The following PRR16 variants were observed in gnomAD, a reference collection of about 807,000 sequenced individuals.
PRR16 encodes the protein protein Largen.
PRR16 carries 6 observed loss-of-function variants against 18.2 expected under a neutral mutation model. The observed-to-expected ratio is 0.33, with a 90% CI of 0.18 to 0.65. PRR16 has a LOEUF of 0.65. Among genes scored for constraint, PRR16 ranks in the 30% least tolerant of loss-of-function variants. The probability of loss-of-function intolerance (pLI) is 0.74; values close to 1 mark genes in which losing one functional copy is unlikely to be tolerated. For missense variants in PRR16, 412 were observed against 376.6 expected, an observed-to-expected ratio of 1.09 and a Z score of -0.78; for synonymous variants, 151 against 147.8, an observed-to-expected ratio of 1.02 and a Z score of -0.16.
chr5:120,593,382 C>A (rs75700019), intron 1 of PRR16, among the ~76,000 whole-genome samples: 3,992 of 151,978 alleles, frequency 0.026, 50 homozygotes, highest in South Asian at 0.035. Context: ...CCTCTATGTA[C>A]ACAAATTAGA....
At chr5:120,760,566 C>T in the PRR16 span, among the ~76,000 whole-genome samples, 1 of 152,052 alleles carries the variant, frequency 6.6e-6, no homozygotes, top group Non-Finnish European at 1.5e-5. Context: ...GAGCCTGGTG[C>T]TTCTTTCATA....
intron 1 of PRR16, among the ~76,000 whole-genome samples, chr5:120,646,310 T>A (rs1339858924): frequency 6.6e-6 from 1 of 151,870 alleles, no homozygotes; most frequent in East Asian, 1.9e-4. Context: ...TGGAATTTCA[T>A]AAGGACAGGA....
downstream of PRR16, among the ~76,000 whole-genome samples, chr5:120,690,757 A>G (rs1757199959): frequency 6.6e-6 from 1 of 152,178 alleles, no homozygotes; most frequent in Non-Finnish European, 1.5e-5. Context: ...TCGGGCACAC[A>G]GTAGTGTTGA....
At chr5:120,785,885 GCT>G in the PRR16 span, among the ~76,000 whole-genome samples, 1 of 151,152 alleles carries the variant, frequency 6.6e-6, no homozygotes, top group African/African-American at 2.4e-5. Flanking sequence ...TCTCTTAAAT[GCT>G]CTTTTTTCCT....
intron 1 of PRR16, among the ~76,000 whole-genome samples, chr5:120,584,650 C>T (rs1419619745): frequency 2.6e-5 from 4 of 152,012 alleles, no homozygotes. Context: ...TTATAATGGA[C>T]TAAGAGATAT....
chr5:120,624,949 G>T (rs554535890), intron 1 of PRR16, among the ~76,000 whole-genome samples: 3 of 152,214 alleles, frequency 2.0e-5, no homozygotes. Context: ...CTCTTCCCTT[G>T]TCTGCCACCA....
chr5:120,496,891 C>T (rs1750262962), intron 1 of PRR16, among the ~76,000 whole-genome samples: 1 of 151,992 alleles, frequency 6.6e-6, no homozygotes, highest in African/African-American at 2.4e-5. Context: ...CATATAGTGA[C>T]TTGTTGTATT....
intron 1 of PRR16, among the ~76,000 whole-genome samples, chr5:120,502,121 G>GGAA (rs1047363471): frequency 1.3e-5 from 2 of 151,270 alleles, no homozygotes. Context: ...TGGAAGCTTT[G>GGAA]GAAGCCCTTT....
At chr5:120,519,372 A>G (rs1396961389) in intron 1 of PRR16, among the ~76,000 whole-genome samples, 1 of 151,984 alleles carries the variant, frequency 6.6e-6, no homozygotes, top group Non-Finnish European at 1.5e-5. Flanking sequence ...TTACGTAATA[A>G]AAAGAAGAAT....
chr5:120,733,670 G>T, the PRR16 span, among the ~76,000 whole-genome samples: 2 of 152,180 alleles, frequency 1.3e-5, no homozygotes, highest in South Asian at 2.1e-4. Flanking sequence ...ACTGGGAAGC[G>T]GCTAGAGTTT....
intron 1 of PRR16, among the ~76,000 whole-genome samples, chr5:120,550,307 A>G (rs1475162103): frequency 6.6e-6 from 1 of 152,050 alleles, no homozygotes; most frequent in Admixed American, 6.6e-5. Context: ...AAAAAAATTG[A>G]GTAGAATAGA....
intron 1 of PRR16, 151 bp from the exon 2 acceptor site, chr5:120,685,803 T>A (rs1436855775): frequency 2.7e-6 from 2 of 743,238 alleles, no homozygotes; most frequent in Non-Finnish European, 4.3e-6. Flanking sequence ...TCTGTAAATT[T>A]ATTGACTGAA....
chr5:120,650,381 G>T (rs889486863), intron 1 of PRR16, among the ~76,000 whole-genome samples: 1 of 150,584 alleles, frequency 6.6e-6, no homozygotes, highest in Non-Finnish European at 1.5e-5. Flanking sequence ...ACAACATGCA[G>T]GTTTGTTACA....
chr5:120,791,403 A>C, the PRR16 span, among the ~76,000 whole-genome samples: 1 of 152,056 alleles, frequency 6.6e-6, no homozygotes, highest in African/African-American at 2.4e-5. Context: ...ATTGAGAATT[A>C]ATTTTAATAC....
chr5:120,561,058 C>A (rs1001872832), intron 1 of PRR16, among the ~76,000 whole-genome samples: 4 of 151,734 alleles, frequency 2.6e-5, no homozygotes, highest in Non-Finnish European at 4.4e-5. Context: ...TTTATCTTTT[C>A]AAGAAACAAA....
At chr5:120,657,703 A>G (rs1202331858) in intron 1 of PRR16, among the ~76,000 whole-genome samples, 1 of 152,042 alleles carries the variant, frequency 6.6e-6, no homozygotes, top group Non-Finnish European at 1.5e-5. Flanking sequence ...TTAATTATGT[A>G]TGCTCTTTCC....
the PRR16 span, among the ~76,000 whole-genome samples, chr5:120,783,708 T>G: frequency 6.6e-6 from 1 of 152,196 alleles, no homozygotes; most frequent in East Asian, 1.9e-4. Flanking sequence ...TTTATCATGT[T>G]TTTGTGTTGG....
At chr5:120,765,925 G>T in the PRR16 span, among the ~76,000 whole-genome samples, 5 of 151,916 alleles carry the variant, frequency 3.3e-5, no homozygotes, top group Non-Finnish European at 5.9e-5. Flanking sequence ...ATGTTGTTGC[G>T]TGTGGATTTT....
chr5:120,627,965 T>C (rs1754922440), intron 1 of PRR16, among the ~76,000 whole-genome samples: 1 of 152,130 alleles, frequency 6.6e-6, no homozygotes, highest in Non-Finnish European at 1.5e-5. Flanking sequence ...ATTCTTAGCA[T>C]AATTATATTT....
Sources: allele counts gnomAD v4.1 joint callset (sites outside exome capture counted in the v4.1 genomes callset), GRCh38; gene constraint gnomAD v4.1.1; transcripts MANE v1.5; gene names NCBI Gene and HGNC (gene_info 2026-07-23, HGNC 2026-07-21).